NOTCH2NLA: variants seen among roughly 807,000 people sequenced by gnomAD.
NOTCH2NLA encodes notch 2 N-terminal like A, also known as notch homolog 2 N-terminal-like protein A.
intron 3 of NOTCH2NLA, among the ~76,000 whole-genome samples, chr1:146,159,072 C>G (rs1481959990): frequency 6.6e-6 from 1 of 152,002 alleles, no homozygotes; most frequent in Non-Finnish European, 1.5e-5. Flanking sequence ...CAGAAAGATC[C>G]CCGGGCCGGA....
intron 2 of NOTCH2NLA, among the ~76,000 whole-genome samples, chr1:146,183,286 TATG>T (rs1553809617): frequency 7.3e-6 from 1 of 136,926 alleles, no homozygotes; most frequent in Admixed American, 7.7e-5. Context: ...TGTGAAATAA[TATG>T]ATAACAATAT....
At chr1:146,149,457 ATAT>A (rs1174606185) in intron 4 of NOTCH2NLA, among the ~76,000 whole-genome samples, 1 of 14,604 alleles carries the variant, frequency 6.8e-5, no homozygotes. Context: ...TCTGCAAATC[ATAT>A]TATCTGATAA....
chr1:146,159,374 AGAGG>A, intron 3 of NOTCH2NLA, among the ~76,000 whole-genome samples: 1 of 148,072 alleles, frequency 6.8e-6, no homozygotes, highest in South Asian at 2.2e-4. Flanking sequence ...AGGGAAAGAG[AGAGG>A]AAGAGAGAAA....
intron 1 of NOTCH2NLA, among the ~76,000 whole-genome samples, chr1:146,224,163 T>C (rs1243704324): frequency 4.1e-3 from 416 of 101,412 alleles, no homozygotes; most frequent in African/African-American, 0.016. Context: ...CTCAATCCAG[T>C]ACAAGTTTGC....
intron 3 of NOTCH2NLA, among the ~76,000 whole-genome samples, chr1:146,158,036 C>CAGAAAG (rs1661249676): frequency 7.1e-6 from 1 of 141,324 alleles, no homozygotes; most frequent in Admixed American, 7.2e-5. Flanking sequence ...TTCTTTGAGG[C>CAGAAAG]AGAAAGAGAA....
chr1:146,154,167 GT>G (rs1401291444), downstream of NOTCH2NLA: 3 of 127,188 alleles, frequency 2.4e-5, no homozygotes, highest in African/African-American at 9.6e-5. Flanking sequence ...TTAACGAAAA[GT>G]TTTACACACC....
At chr1:146,162,325 T>C (rs1553804665) in intron 3 of NOTCH2NLA, among the ~76,000 whole-genome samples, 1 of 149,968 alleles carries the variant, frequency 6.7e-6, no homozygotes, top group African/African-American at 2.5e-5. Context: ...TTATTGTCTT[T>C]ATTTGAAGAT....
intron 3 of NOTCH2NLA, among the ~76,000 whole-genome samples, chr1:146,158,324 C>A (rs1244222290): frequency 6.8e-6 from 1 of 147,486 alleles, no homozygotes; most frequent in Non-Finnish European, 1.5e-5. Context: ...CGTCCCACCA[C>A]CCCACGACAG....
intron 3 of NOTCH2NLA, among the ~76,000 whole-genome samples, chr1:146,158,256 G>T (rs1435040071): frequency 5.2e-4 from 76 of 147,566 alleles, no homozygotes; most frequent in Non-Finnish European, 8.3e-4. Flanking sequence ...ATGTTGGTGT[G>T]CTGCACCCAT....
At chr1:146,159,139 C>G (rs1392439202) in intron 3 of NOTCH2NLA, among the ~76,000 whole-genome samples, 11 of 151,940 alleles carry the variant, frequency 7.2e-5, no homozygotes, top group Non-Finnish European at 1.5e-4. Context: ...GGGCAGATCA[C>G]TTGTGGTTAG....
chr1:146,162,138 TAAGAA>T (rs1553804618), intron 3 of NOTCH2NLA, among the ~76,000 whole-genome samples: 2 of 139,094 alleles, frequency 1.4e-5, no homozygotes, highest in African/African-American at 2.7e-5. Flanking sequence ...ACACTTGTAC[TAAGAA>T]AATATCTTCA....
At chr1:146,200,424 G>GA (rs1173459520) in intron 1 of NOTCH2NLA, among the ~76,000 whole-genome samples, 337 of 16,418 alleles carry the variant, frequency 0.021, 89 homozygotes, top group Middle Eastern at 0.12. Context: ...CTCTGCCTGA[G>GA]AAAAAAAAAA....
downstream of NOTCH2NLA, among the ~76,000 whole-genome samples, chr1:146,151,317 CAAAAA>C (rs1159670389): frequency 2.5e-4 from 4 of 15,904 alleles, no homozygotes; most frequent in African/African-American, 7.1e-4. Context: ...TGCTCCGTCT[CAAAAA>C]AAAAAAAAAA....
At chr1:146,159,049 C>T (rs1468262128) in intron 3 of NOTCH2NLA, among the ~76,000 whole-genome samples, 1 of 151,842 alleles carries the variant, frequency 6.6e-6, no homozygotes, top group East Asian at 1.9e-4. Flanking sequence ...CAGAGTGATG[C>T]CCACAACTGA....
Position 146,200,436 on chromosome 1 carries a change from AAAATAT to A in NOTCH2NLA, c.-44-11061_-44-11056del, listed in dbSNP as rs1340422813. 1.5e-3 allele frequency among the ~76,000 whole-genome samples: 33 copies of A among 22,208 alleles called. 4 individuals are homozygous for A. Among genetic ancestry groups the A allele is most frequent in the African/African-American group, 4.1e-3 (16 of 3,880 alleles). 14.6% of individuals were successfully genotyped at this position (22,208 alleles called of 152,430 possible). ...AGACTCTGCCTGAGAAAAAAAAAAA[AAAATAT>A]ATATATATATATATATTCCTGAACT... is the stretch of plus-strand genomic sequence containing the variant. On this transcript the variant is annotated intron_variant, in intron 1 of 4. Transcript: ENST00000362074.
downstream of NOTCH2NLA, chr1:146,154,003 C>CCA (rs1441690877): frequency 8.2e-5 from 6 of 73,426 alleles, no homozygotes; most frequent in South Asian, 8.7e-4. Flanking sequence ...CTGCACAACG[C>CCA]CATACACACA....
intron 1 of NOTCH2NLA, among the ~76,000 whole-genome samples, chr1:146,199,182 ATCT>A (rs1553813374): frequency 6.9e-5 from 3 of 43,674 alleles, no homozygotes; most frequent in African/African-American, 2.9e-4. Context: ...AATATATATA[ATCT>A]TCTTGCTATA....
At chr1:146,157,801 G>A (rs1281353195) in intron 3 of NOTCH2NLA, among the ~76,000 whole-genome samples, 8 of 85,654 alleles carry the variant, frequency 9.3e-5, no homozygotes, top group African/African-American at 3.7e-4. Flanking sequence ...ATATATTCTG[G>A]GAAACATTTT....
intron 2 of NOTCH2NLA, among the ~76,000 whole-genome samples, chr1:146,180,117 C>G (rs1253728840): frequency 7.0e-6 from 1 of 143,022 alleles, no homozygotes; most frequent in Non-Finnish European, 1.6e-5. Flanking sequence ...GCTTCAGAGT[C>G]CATCTAACTT....
Sources: gnomAD v4.1 joint callset for allele counts (sites outside exome capture counted in the v4.1 genomes callset) on GRCh38, gnomAD v4.1.1 for gene constraint, MANE v1.5 for transcripts, NCBI Gene and HGNC (gene_info 2026-07-23, HGNC 2026-07-21) for gene names.